PDE10A: variants seen among roughly 807,000 people sequenced by gnomAD.
The protein encoded by PDE10A is cAMP and cAMP-inhibited cGMP 3',5'-cyclic phosphodiesterase 10A.
In PDE10A, 39 loss-of-function variants were observed where a neutral mutation model predicts 97.7. That is an observed-to-expected ratio of 0.40 (90% CI 0.31 to 0.52). The LOEUF is 0.52. Among genes scored for constraint, PDE10A ranks in the 20% least tolerant of loss-of-function variants. The probability of loss-of-function intolerance (pLI) is 0.56; values close to 1 mark genes in which losing one functional copy is unlikely to be tolerated. For synonymous variants in PDE10A, 371 were observed against 376.8 expected (o/e 0.98, Z 0.18); for missense variants, 731 against 1,047.8 (o/e 0.70, Z 4.17).
chr6:165,446,525 C>T (rs1252992812), intron 5 of PDE10A, among the ~76,000 whole-genome samples: 1 of 152,090 alleles, frequency 6.6e-6, no homozygotes, highest in African/African-American at 2.4e-5. Flanking sequence ...GAGCAAAACA[C>T]AGTAATTATC....
intron 1 of PDE10A, among the ~76,000 whole-genome samples, chr6:165,910,426 G>T (rs1356316640): frequency 6.6e-6 from 1 of 152,222 alleles, no homozygotes; most frequent in African/African-American, 2.4e-5. Context: ...AATCTGCAAA[G>T]TACAGTGCTT....
chr6:165,782,734 A>G (rs778411831), intron 1 of PDE10A, among the ~76,000 whole-genome samples: 38 of 152,320 alleles, frequency 2.5e-4, no homozygotes, highest in Admixed American at 3.3e-4. Context: ...ACTACGTCTT[A>G]TCGTGTACCC....
At chr6:165,570,937 A>G (rs1288894244) in intron 1 of PDE10A, among the ~76,000 whole-genome samples, 14 of 152,244 alleles carry the variant, frequency 9.2e-5, no homozygotes, top group African/African-American at 1.7e-4. Context: ...GTACATGCAC[A>G]TGTCCACAAA....
At chr6:165,590,822 C>A (rs964561698) in intron 1 of PDE10A, among the ~76,000 whole-genome samples, 1 of 151,892 alleles carries the variant, frequency 6.6e-6, no homozygotes, top group African/African-American at 2.4e-5. Flanking sequence ...ACCCGGGAGG[C>A]GGAGCTTGCA....
chr6:165,891,894 A>T (rs558360916), intron 1 of PDE10A, among the ~76,000 whole-genome samples: 66 of 151,722 alleles, frequency 4.4e-4, no homozygotes, highest in African/African-American at 1.5e-3. Flanking sequence ...GATCACCCCC[A>T]TAATCACAAA....
intron 1 of PDE10A, among the ~76,000 whole-genome samples, chr6:165,696,119 A>C (rs968827361): frequency 6.6e-6 from 1 of 152,202 alleles, no homozygotes; most frequent in South Asian, 2.1e-4. Context: ...AGGGGGAAGG[A>C]AGATGGATGT....
At chr6:165,605,276 C>CA (rs201896841) in intron 1 of PDE10A, among the ~76,000 whole-genome samples, 1,621 of 151,920 alleles carry the variant, frequency 0.011, 28 homozygotes, top group African/African-American at 0.037. Context: ...AACAAACAAA[C>CA]AAAAAAAACC....
intron 1 of PDE10A, among the ~76,000 whole-genome samples, chr6:165,608,702 G>A (rs1050128626): frequency 2.6e-4 from 40 of 152,122 alleles, no homozygotes; most frequent in Non-Finnish European, 4.1e-4. Flanking sequence ...CTTCCACAAT[G>A]GTTGAACTAG....
intron 1 of PDE10A, among the ~76,000 whole-genome samples, chr6:165,766,107 C>T (rs1414746073): frequency 6.6e-6 from 1 of 152,182 alleles, no homozygotes; most frequent in South Asian, 2.1e-4. Context: ...TTAGTCCCGC[C>T]GTCCCCTCAG....
intron 1 of PDE10A, among the ~76,000 whole-genome samples, chr6:165,603,987 A>G (rs1229363448): frequency 6.6e-6 from 1 of 152,218 alleles, no homozygotes; most frequent in Non-Finnish European, 1.5e-5. Context: ...TGCTCCTTCT[A>G]GGACACATAG....
intron 1 of PDE10A, among the ~76,000 whole-genome samples, chr6:165,733,597 A>G (rs760520734): frequency 6.6e-6 from 1 of 152,224 alleles, no homozygotes; most frequent in Non-Finnish European, 1.5e-5. Context: ...TTATTCTCAT[A>G]AAGGGTGGGT....
rs577333562 is a variant in PDE10A at position 165,502,614 on chromosome 6, T to C, written c.995-20271A>G. ...AAGAATGTGAAGCAATGGTATTTTA[T>C]AGTACACTGCTAAACATGTGGTGTA... On this transcript the variant is annotated intron_variant, in intron 2 of 21. Coordinates refer to ENST00000539869, the MANE Select transcript of PDE10A (RefSeq NM_001385079.1). 3.9e-5 allele frequency among the ~76,000 whole-genome samples: 6 copies of C among 152,362 alleles called. No homozygotes were observed. The East Asian group carries it at 7.7e-4, about 20-fold the overall frequency.
At chr6:165,389,023 C>T (rs1043519660) in intron 16 of PDE10A, among the ~76,000 whole-genome samples, 2 of 152,044 alleles carry the variant, frequency 1.3e-5, no homozygotes, top group African/African-American at 4.8e-5. Context: ...AGCAAAGACC[C>T]GAAACAGGGT....
intron 1 of PDE10A, among the ~76,000 whole-genome samples, chr6:165,549,236 G>C (rs73786633): frequency 0.045 from 6,809 of 152,240 alleles, 188 homozygotes; most frequent in Middle Eastern, 0.061. Flanking sequence ...ATCATTCATT[G>C]TTCTATCACA....
At chr6:165,902,366 A>C (rs80160077) in intron 1 of PDE10A, among the ~76,000 whole-genome samples, 14,352 of 152,258 alleles carry the variant, frequency 0.094, 848 homozygotes, top group African/African-American at 0.16. Context: ...TGAGTGTTTT[A>C]CTTTGATCGG....
intron 1 of PDE10A, among the ~76,000 whole-genome samples, chr6:165,550,825 C>T (rs1783978522): frequency 6.6e-6 from 1 of 152,058 alleles, no homozygotes; most frequent in Non-Finnish European, 1.5e-5. Context: ...TTGAAATGTT[C>T]AATGAAAGGA....
At chr6:165,406,228 A>ATATGTGTGTGTGTG (rs140845501) in intron 13 of PDE10A, among the ~76,000 whole-genome samples, 21 of 140,422 alleles carry the variant, frequency 1.5e-4, no homozygotes, top group African/African-American at 5.7e-4. Flanking sequence ...AGGGAAAAGG[A>ATATGTGTGTGTGTG]TGTGTGTGTG....
chr6:165,364,836 G>A (rs851951), intron 18 of PDE10A, among the ~76,000 whole-genome samples: 34,860 of 151,890 alleles, frequency 0.23, 4,280 homozygotes, highest in African/African-American at 0.28. Context: ...AAAGTATTTC[G>A]AAATTAGAAA....
chr6:165,603,314 T>C (rs1337326260), intron 1 of PDE10A, among the ~76,000 whole-genome samples: 1 of 152,216 alleles, frequency 6.6e-6, no homozygotes, highest in Non-Finnish European at 1.5e-5. Context: ...TGCTTTATCG[T>C]TATTTTAGCA....
Sources: gnomAD v4.1 joint callset for allele counts (sites outside exome capture counted in the v4.1 genomes callset) on GRCh38, gnomAD v4.1.1 for gene constraint, MANE v1.5 for transcripts, NCBI Gene and HGNC (gene_info 2026-07-23, HGNC 2026-07-21) for gene names.